Variants in ANKHD1 observed in about 807,000 individuals in gnomAD.
ANKHD1 encodes ankyrin repeat and KH domain-containing protein 1.
In ANKHD1, 31 loss-of-function variants were observed where a neutral mutation model predicts 230.5. The observed-to-expected ratio is 0.13, with a 90% CI of 0.10 to 0.18. ANKHD1 has a LOEUF of 0.18. ANKHD1 is among the 10% of genes least tolerant of loss of function. The pLI is 1.00. For synonymous variants in ANKHD1, 1,074 were observed against 1,117.6 expected (o/e 0.96, Z 0.78); for missense variants, 2,256 against 3,071.3 (o/e 0.73, Z 6.27).
chr5:140,491,153 TATATATA>T (rs1318899795), intron 14 of ANKHD1, among the ~76,000 whole-genome samples: 2 of 102,270 alleles, frequency 2.0e-5, no homozygotes, highest in Admixed American at 1.1e-4. Flanking sequence ...TATATATATA[TATATATA>T]TTTTTTTTTT....
Position 140,459,222 on chromosome 5 carries a change from C to T in ANKHD1, c.1539C>T (p.Cys513=), listed in dbSNP as rs1775529781. The T allele has an allele frequency of 6.2e-7, 1 of 1,601,620 alleles. No homozygotes were observed. The highest frequency in any genetic ancestry group is 1.3e-5 in the African/African-American group (1 of 74,616). ...AAGAAACTGCTCTTACTTTGGCTTG[C>T]TGTGGAGGATTTTCTGAAGTTGCAG... The part of the protein sequence containing the change: ...ETQETALTLA[C]CGGFSEVADF... The change falls in exon 9 of 34, where the codon TGC becomes TGT. Residue 513 remains cysteine, a synonymous_variant. Coordinates refer to ENST00000360839, the MANE Select transcript of ANKHD1 (RefSeq NM_017747.3).
chr5:140,460,343 C>T (rs1033789308), intron 9 of ANKHD1, among the ~76,000 whole-genome samples: 6 of 151,478 alleles, frequency 4.0e-5, no homozygotes, highest in South Asian at 4.2e-4. Flanking sequence ...TTTTTTACCA[C>T]GTCTGATATA....
intron 4 of ANKHD1, 96 bp from the exon 5 acceptor site, chr5:140,440,899 T>C (rs1180377787): frequency 1.3e-5 from 17 of 1,337,328 alleles, no homozygotes; most frequent in Non-Finnish European, 1.6e-5. Flanking sequence ...CCACCCCTAT[T>C]CTAGAAGAAT....
intron 14 of ANKHD1, among the ~76,000 whole-genome samples, chr5:140,494,436 A>G (rs1218845032): frequency 1.3e-5 from 2 of 152,150 alleles, no homozygotes; most frequent in African/African-American, 4.8e-5. Context: ...GCAAGATCCC[A>G]TCTCTTAAAA....
rs191948408 is a variant in ANKHD1 at position 140,482,409 on chromosome 5, A to G, written c.1783-171A>G. On this transcript the variant is annotated intron_variant, in intron 10 of 33. Coordinates refer to ENST00000360839, the MANE Select transcript of ANKHD1 (RefSeq NM_017747.3). ...TTGCCCTTAGAAAGTTACATTATCT[A>G]CTTTGGACTGAAAATCCTGTATAAT... 1.5e-3 allele frequency among the ~76,000 whole-genome samples: 229 copies of G among 152,302 alleles called. 1 individual carries two copies. Among genetic ancestry groups the G allele is most frequent in the Middle Eastern group, 3.4e-3 (1 of 294 alleles).
At chr5:140,406,284 C>T (rs1463694258) in intron 1 of ANKHD1, among the ~76,000 whole-genome samples, 1 of 151,632 alleles carries the variant, frequency 6.6e-6, no homozygotes. Context: ...ACCTAGACAT[C>T]CAAAAAGATG....
At chr5:140,456,162 AG>A (rs1188727943) in intron 7 of ANKHD1, among the ~76,000 whole-genome samples, 1 of 152,174 alleles carries the variant, frequency 6.6e-6, no homozygotes, top group Non-Finnish European at 1.5e-5. Context: ...AGGGATGTAA[AG>A]GACCTCTTCA....
At chr5:140,488,993 C>G (rs1488846865) in intron 14 of ANKHD1, among the ~76,000 whole-genome samples, 1 of 152,064 alleles carries the variant, frequency 6.6e-6, no homozygotes, top group Non-Finnish European at 1.5e-5. Context: ...AGTTCGAGAC[C>G]AGCCTGGGCA....
chr5:140,481,665 G>C (rs1751281784), intron 10 of ANKHD1, among the ~76,000 whole-genome samples: 1 of 151,928 alleles, frequency 6.6e-6, no homozygotes. Flanking sequence ...TGATCATGTG[G>C]TAATTATAGG....
intron 1 of ANKHD1, among the ~76,000 whole-genome samples, chr5:140,432,755 T>C (rs1291189723): frequency 6.6e-6 from 1 of 152,142 alleles, no homozygotes; most frequent in Non-Finnish European, 1.5e-5. Context: ...GTCATCCACA[T>C]GGAATACAGT....
chr5:140,518,330 T>C (rs1277522767), intron 24 of ANKHD1, among the ~76,000 whole-genome samples: 19 of 152,240 alleles, frequency 1.2e-4, no homozygotes, highest in African/African-American at 4.6e-4. Context: ...CAAGACCAGA[T>C]GGATTCACAG....
intron 24 of ANKHD1, among the ~76,000 whole-genome samples, chr5:140,516,727 A>G (rs1357918273): frequency 2.6e-5 from 4 of 152,162 alleles, no homozygotes; most frequent in Non-Finnish European, 5.9e-5. Flanking sequence ...TACTTTACAG[A>G]GAAGCAAATG....
rs1256754407 is a variant in ANKHD1 at position 140,506,943 on chromosome 5, A to C, written c.3517A>C (p.Ile1173Leu). 1.2e-6 allele frequency: 2 copies of C among 1,614,030 alleles called. No homozygotes were observed. Residue 1173 changes from isoleucine to leucine, a missense_variant, in exon 19 of 34, where the codon ATT becomes CTT. Physicochemically the swap from Ile to Leu is conservative, Grantham distance 5. Transcript: ENST00000360839. This position sits in a 1 kb window ranked among gnomAD's most constrained non-coding sequence, Gnocchi z 4.7. ...TGGAGGATATGTTAATATCATTAAG[A>C]TTCTGCTTAATGCTGGGGCAGAAAT... is the stretch of plus-strand genomic sequence containing the variant. The part of the protein sequence containing the change: ...ASGGYVNIIK[I>L]LLNAGAEINS...
chr5:140,536,812 T>C (rs985622351), intron 30 of ANKHD1, among the ~76,000 whole-genome samples: 5 of 151,866 alleles, frequency 3.3e-5, no homozygotes, highest in South Asian at 2.1e-4. Context: ...TCACCTGAGG[T>C]TGGGAGTTTG....
intron 24 of ANKHD1, among the ~76,000 whole-genome samples, chr5:140,514,703 G>A (rs1416445916): frequency 6.6e-6 from 1 of 152,176 alleles, no homozygotes; most frequent in African/African-American, 2.4e-5. Context: ...GGGAGCGGTA[G>A]CTCACACCTG....
Position 140,526,300 on chromosome 5 carries a change from A to G in ANKHD1, c.4797A>G (p.Thr1599=). Residue 1599 remains threonine (T), a synonymous_variant, in exon 26 of 34, where the codon ACA becomes ACG. Transcript: ENST00000360839. ...GNSDSDNLDS[T]DCNSESSSGG... The stretch of plus-strand genomic sequence containing the variant: ...GTGATTCAGATAACTTGGACAGCAC[A>G]GACTGCAACAGTGAGAGTAGCAGTG... 2 of 1,614,238 alleles carry G rather than the reference A, an allele frequency of 1.2e-6. No individual in the cohort carries two copies. Among genetic ancestry groups the G allele is most frequent in the East Asian group, 4.5e-5 (2 of 44,894 alleles).
intron 2 of ANKHD1, among the ~76,000 whole-genome samples, chr5:140,437,218 A>G (rs941867572): frequency 6.6e-5 from 10 of 152,198 alleles, no homozygotes; most frequent in Admixed American, 6.5e-5. Context: ...AGGGTACCAT[A>G]ATATTCTGTT....
At chr5:140,421,370 G>A (rs1409518761) in intron 1 of ANKHD1, among the ~76,000 whole-genome samples, 1 of 147,276 alleles carries the variant, frequency 6.8e-6, no homozygotes, top group Non-Finnish European at 1.5e-5. Context: ...GCGTGATCTC[G>A]GCTCACTGCA....
intron 5 of ANKHD1, among the ~76,000 whole-genome samples, chr5:140,442,207 T>G (rs1210558229): frequency 4.6e-5 from 7 of 151,668 alleles, no homozygotes; most frequent in African/African-American, 1.7e-4. Context: ...TCCCGGCTAA[T>G]TTTTTGTACT....
Sources: allele counts gnomAD v4.1 joint callset (sites outside exome capture counted in the v4.1 genomes callset), GRCh38; gene constraint gnomAD v4.1.1; non-coding constraint Gnocchi (gnomAD v3.1); transcripts MANE v1.5; gene names NCBI Gene and HGNC (gene_info 2026-07-23, HGNC 2026-07-21).